The following NCOA6 variants were observed in gnomAD, a reference collection of about 807,000 sequenced individuals.
NCOA6 encodes the protein nuclear receptor coactivator 6.
Under a neutral mutation model 171.4 loss-of-function variants are expected in NCOA6, and 49 were observed. The observed-to-expected ratio is 0.29, with a 90% CI of 0.23 to 0.36. The LOEUF (loss-of-function observed/expected upper bound fraction) is 0.36. Among genes scored for constraint, NCOA6 ranks in the 10% least tolerant of loss-of-function variants. The pLI is 1.00. For synonymous variants in NCOA6, 910 were observed against 927.5 expected (o/e 0.98, Z 0.34); for missense variants, 2,248 against 2,554.5 (o/e 0.88, Z 2.59).
rs750182164 is a variant in NCOA6 at position 34,742,015 on chromosome 20, T to G, written c.4241A>C (p.Asp1414Ala). 7 of 1,614,086 alleles carry G rather than the reference T, an allele frequency of 4.3e-6. No homozygotes were observed. Among genetic ancestry groups the G allele is most frequent in the Non-Finnish European group, 5.9e-6 (7 of 1,180,038 alleles). ...AGGCACATTCAAGCTCTCCTTGTTA[T>G]CCTCAACAACACCCCCAACTGCAGC... ...SVAAVGGVVE[D>A]NKESLNVPQD... The change falls in exon 11 of 15, where the codon GAT (aspartate) becomes GCT (alanine). Residue 1414 changes from aspartate to alanine, a missense_variant. By Grantham distance (126) the Asp-to-Ala change is moderately radical. This residue lies in a region of NCOA6 where 884 missense variants were observed against 941.9 expected (regional missense o/e 0.94). Transcript: ENST00000359003.
chr20:34,736,642 A>G (rs2075967566), intron 12 of NCOA6, 48 bp downstream of exon 12: 12 of 1,472,746 alleles, frequency 8.1e-6, no homozygotes, highest in Non-Finnish European at 9.3e-6. Context: ...TAGTTCCTTC[A>G]CATGTAACCC....
chr20:34,741,140 T>C lies in NCOA6; in HGVS notation c.5116A>G (p.Ile1706Val), dbSNP rs534399488. Residue 1706 changes from isoleucine (I) to valine (V), a missense_variant, in exon 11 of 15, where the codon ATA (isoleucine) becomes GTA (valine). By Grantham distance (29) the Ile-to-Val change is conservative (BLOSUM62 3). Coordinates refer to ENST00000359003, the MANE Select transcript of NCOA6 (RefSeq NM_014071.5). ...VVGPLHIPQN[I>V]KFSSAPVPPN... Reference sequence around the variant, plus strand: ...GGTACAGGAGCAGAAGAAAATTTTATGTTCTGAGGTATGTGTAAAGGGCCA... The same window carrying C: ...GGTACAGGAGCAGAAGAAAATTTTACGTTCTGAGGTATGTGTAAAGGGCCA... The C allele has an allele frequency of 1.9e-6, 3 of 1,614,262 alleles. No homozygotes were observed. The highest frequency in any genetic ancestry group is 1.1e-5 in the South Asian group (1 of 91,090).
Position 34,788,087 on chromosome 20 carries a change from G to A in NCOA6, c.-50+4363C>T, listed in dbSNP as rs145892341. 5.9e-3 allele frequency among the ~76,000 whole-genome samples: 901 copies of A among 152,126 alleles called. 17 individuals are homozygous for A. Among genetic ancestry groups the A allele is most frequent in the East Asian group, 0.057 (294 of 5,182 alleles). ...TCACCGTGTTGCCCAGGCTGGTCTCGAACTCCTGAGCTCAAGCAATCCGCC... is the reference window on the plus strand; with the variant it reads ...TCACCGTGTTGCCCAGGCTGGTCTCAAACTCCTGAGCTCAAGCAATCCGCC... On this transcript the variant is annotated intron_variant, in intron 2 of 14. Coordinates refer to ENST00000359003, the MANE Select transcript of NCOA6 (RefSeq NM_014071.5).
intron 12 of NCOA6, among the ~76,000 whole-genome samples, chr20:34,735,130 T>TTCCCCC (rs2075909574): frequency 6.6e-6 from 1 of 152,140 alleles, no homozygotes; most frequent in Non-Finnish European, 1.5e-5. Context: ...CTTCAGCCAA[T>TTCCCCC]TACTGTGAGA....
At chr20:34,748,739 C>T (rs1447242011) in intron 9 of NCOA6, among the ~76,000 whole-genome samples, 1 of 152,172 alleles carries the variant, frequency 6.6e-6, no homozygotes, top group Non-Finnish European at 1.5e-5. Context: ...TTTAAAAGGT[C>T]CAATCATCTT....
rs751937165 is a variant in NCOA6, at chr20:34,782,367, T to C, written c.-12A>G. ...TCATCCAAAACCATGGTGAATATTA[T>C]TCCAGAAGCATATGCCAAGAGGACA... is the stretch of plus-strand genomic sequence containing the variant. On this transcript the variant is annotated 5_prime_UTR_variant, in exon 3 of 15. Coordinates refer to ENST00000359003, the MANE Select transcript of NCOA6 (RefSeq NM_014071.5). 2 of 1,532,406 alleles carry C rather than the reference T, an allele frequency of 1.3e-6. No homozygotes were observed. Among genetic ancestry groups the C allele is most frequent in the African/African-American group, 1.4e-5 (1 of 72,890 alleles). 94.9% of individuals were successfully genotyped at this position (1,532,406 alleles called of 1,614,324 possible).
intron 1 of NCOA6, among the ~76,000 whole-genome samples, chr20:34,803,579 A>G (rs757399511): frequency 6.6e-6 from 1 of 152,218 alleles, no homozygotes; most frequent in Non-Finnish European, 1.5e-5. Context: ...ATAGATTAAC[A>G]TTTACATTTT....
intron 1 of NCOA6, among the ~76,000 whole-genome samples, chr20:34,795,046 TCCTCGG>T (rs1279817838): frequency 6.6e-6 from 1 of 152,170 alleles, no homozygotes; most frequent in East Asian, 1.9e-4. Flanking sequence ...GAAGGGTTCA[TCCTCGG>T]TAGAGCGGCA....
chr20:34,778,316 T>C (rs901963508), intron 3 of NCOA6, among the ~76,000 whole-genome samples: 2 of 149,132 alleles, frequency 1.3e-5, no homozygotes, highest in African/African-American at 4.8e-5. Flanking sequence ...ATTCCACTTA[T>C]ATCAAGGAAG....
chr20:34,760,819 T>C (rs2076793494), intron 5 of NCOA6, among the ~76,000 whole-genome samples: 1 of 152,210 alleles, frequency 6.6e-6, no homozygotes, highest in South Asian at 2.1e-4. Context: ...TATACTATAA[T>C]ATTCACCTTT....
intron 10 of NCOA6, 103 bp from the exon 11 acceptor site, chr20:34,743,444 A>G (rs2076212839): frequency 1.5e-5 from 18 of 1,239,458 alleles, no homozygotes; most frequent in Non-Finnish European, 1.8e-5. Flanking sequence ...GGCACAGACT[A>G]TGCACAAACA....
intron 1 of NCOA6, among the ~76,000 whole-genome samples, chr20:34,808,378 C>G (rs1000508765): frequency 6.6e-6 from 1 of 151,084 alleles, no homozygotes; most frequent in African/African-American, 2.4e-5. Flanking sequence ...AAAAAAGTCA[C>G]AGGTCACACA....
At chr20:34,738,797 G>A (rs1470158912) in intron 11 of NCOA6, 3 of 447,762 alleles carry the variant, frequency 6.7e-6, no homozygotes, top group South Asian at 1.6e-5. Flanking sequence ...CTTAGGAGAG[G>A]TTAAGGAACG....
intron 14 of NCOA6, among the ~76,000 whole-genome samples, chr20:34,715,856 A>T (rs1988499862): frequency 6.6e-6 from 1 of 152,168 alleles, no homozygotes; most frequent in African/African-American, 2.4e-5. Context: ...TGCTATAGTC[A>T]AGGTCTAAAC....
chr20:34,784,142 A>C (rs1601012959), intron 2 of NCOA6, among the ~76,000 whole-genome samples: 1 of 152,288 alleles, frequency 6.6e-6, no homozygotes, highest in Middle Eastern at 3.4e-3. Flanking sequence ...ATATGCTGCA[A>C]ATCATTAGGA....
intron 8 of NCOA6, 78 bp downstream of exon 8, chr20:34,754,644 C>T: frequency 6.5e-7 from 1 of 1,541,328 alleles, no homozygotes; most frequent in Non-Finnish European, 8.9e-7. Context: ...TATTACTTAT[C>T]TGTATACTCC....
chr20:34,804,924 C>G (rs770503986), intron 1 of NCOA6, among the ~76,000 whole-genome samples: 3 of 152,080 alleles, frequency 2.0e-5, no homozygotes, highest in Non-Finnish European at 4.4e-5. Flanking sequence ...CTAGAGAACA[C>G]TAGAACGTAT....
intron 3 of NCOA6, among the ~76,000 whole-genome samples, chr20:34,780,714 A>G (rs1014266372): frequency 6.6e-6 from 1 of 151,870 alleles, no homozygotes; most frequent in African/African-American, 2.4e-5. Flanking sequence ...GTGCAGGGGC[A>G]CTATTAGAGC....
At chr20:34,754,985 TCA>T (rs1355764127) in intron 7 of NCOA6, 117 bp from the exon 8 acceptor site, 2 of 980,046 alleles carry the variant, frequency 2.0e-6, no homozygotes, top group Admixed American at 2.6e-5. Context: ...GCTCTCTCTG[TCA>T]CACTGGTAGG....
Sources: allele counts gnomAD v4.1 joint callset (sites outside exome capture counted in the v4.1 genomes callset), GRCh38; gene constraint gnomAD v4.1.1; regional missense constraint gnomAD v4.1.1; transcripts MANE v1.5; gene names NCBI Gene and HGNC (gene_info 2026-07-23, HGNC 2026-07-21).